Variants in OTUD7A observed in about 807,000 individuals in gnomAD.
OTUD7A encodes OTU deubiquitinase 7A.
In OTUD7A, 12 loss-of-function variants were observed where a neutral mutation model predicts 65.7. That is an observed-to-expected ratio of 0.18 (90% CI 0.12 to 0.30). The LOEUF is 0.30. OTUD7A is among the 10% of genes least tolerant of loss of function. The pLI is 1.00. For missense variants in OTUD7A, 1,148 were observed against 1,304.8 expected, an observed-to-expected ratio of 0.88 and a Z score of 1.85; for synonymous variants, 641 against 586.3, an observed-to-expected ratio of 1.09 and a Z score of -1.35.
At chr15:31,645,965 G>A (rs1891648999) in intron 3 of OTUD7A, among the ~76,000 whole-genome samples, 1 of 152,202 alleles carries the variant, frequency 6.6e-6, no homozygotes, top group African/African-American at 2.4e-5. Context: ...AAACATGAAG[G>A]TTTGGCTTAA....
chr15:31,574,304 T>C (rs1157968450), intron 3 of OTUD7A, among the ~76,000 whole-genome samples: 1 of 151,710 alleles, frequency 6.6e-6, no homozygotes, highest in Non-Finnish European at 1.5e-5. Flanking sequence ...CACAGAAAAA[T>C]AGAAACTATG....
intron 1 of OTUD7A, among the ~76,000 whole-genome samples, chr15:31,671,191 T>G (rs1265297808): frequency 6.6e-6 from 1 of 152,210 alleles, no homozygotes; most frequent in Admixed American, 6.5e-5. Flanking sequence ...CTTCTAGGGT[T>G]TTTATAGTTT....
At chr15:31,824,070 G>T (rs1052957886) in intron 1 of OTUD7A, among the ~76,000 whole-genome samples, 4 of 152,206 alleles carry the variant, frequency 2.6e-5, no homozygotes, top group African/African-American at 9.6e-5. Flanking sequence ...GGCATGAAGA[G>T]CATAGTAGGG....
chr15:31,529,220 T>C (rs1413352196), intron 6 of OTUD7A, among the ~76,000 whole-genome samples: 1 of 151,966 alleles, frequency 6.6e-6, no homozygotes, highest in Non-Finnish European at 1.5e-5. Flanking sequence ...TTCTTTTAGA[T>C]TCTTTCTCCA....
chr15:31,681,519 C>T (rs7167067), intron 1 of OTUD7A, among the ~76,000 whole-genome samples: 11,876 of 151,826 alleles, frequency 0.078, 1,174 homozygotes, highest in African/African-American at 0.23. Context: ...TGTTTGTGTG[C>T]ATATCTACCC....
At chr15:31,628,624 G>C (rs948230006) in intron 3 of OTUD7A, among the ~76,000 whole-genome samples, 2 of 152,098 alleles carry the variant, frequency 1.3e-5, no homozygotes, top group Non-Finnish European at 2.9e-5. Context: ...TTCCAATTCT[G>C]TGAAGAAAGT....
chr15:31,527,154 G>A, intron 7 of OTUD7A, 27 bp downstream of exon 7: 1 of 1,613,528 alleles, frequency 6.2e-7, no homozygotes, highest in Non-Finnish European at 8.5e-7. Context: ...TGGGTCCCGG[G>A]CTCTGGCCAT....
chr15:31,673,416 T>C (rs1566970137), intron 1 of OTUD7A, among the ~76,000 whole-genome samples: 1 of 152,218 alleles, frequency 6.6e-6, no homozygotes, highest in Admixed American at 6.5e-5. Flanking sequence ...AACAGTGTAA[T>C]GTGCCCACAC....
At chr15:31,869,146 C>T (rs762277120) in intron 1 of OTUD7A, among the ~76,000 whole-genome samples, 12 of 152,212 alleles carry the variant, frequency 7.9e-5, no homozygotes, top group Non-Finnish European at 1.5e-4. Flanking sequence ...ATGGCACACT[C>T]ACAATAAAAT....
chr15:31,746,263 T>C (rs1482281467), intron 1 of OTUD7A, among the ~76,000 whole-genome samples: 4 of 152,154 alleles, frequency 2.6e-5, no homozygotes, highest in African/African-American at 7.2e-5. Context: ...GCTTTATTAA[T>C]AGTGACACAA....
chr15:31,803,783 GCAAA>G (rs1896196051), intron 1 of OTUD7A, among the ~76,000 whole-genome samples: 1 of 152,210 alleles, frequency 6.6e-6, no homozygotes, highest in Non-Finnish European at 1.5e-5. Flanking sequence ...GACCTCCAGA[GCAAA>G]CAAACAGCCC....
At chr15:31,679,660 T>C (rs1454180696) in intron 1 of OTUD7A, among the ~76,000 whole-genome samples, 1 of 152,202 alleles carries the variant, frequency 6.6e-6, no homozygotes, top group Non-Finnish European at 1.5e-5. Flanking sequence ...CCCTTCACGT[T>C]CCGCCATGAT....
chr15:31,665,956 GT>G (rs1382167443), intron 1 of OTUD7A, among the ~76,000 whole-genome samples: 4 of 151,392 alleles, frequency 2.6e-5, no homozygotes, highest in Admixed American at 6.6e-5. Flanking sequence ...GGTACATTGC[GT>G]TTATTGACTT....
intron 1 of OTUD7A, among the ~76,000 whole-genome samples, chr15:31,753,683 T>C (rs1037943092): frequency 1.1e-5 from 1 of 88,472 alleles, no homozygotes; most frequent in Non-Finnish European, 2.4e-5. Flanking sequence ...ATATAACCTG[T>C]GAGATATATA....
chr15:31,790,854 G>A (rs1447642512), intron 1 of OTUD7A, among the ~76,000 whole-genome samples: 3 of 152,178 alleles, frequency 2.0e-5, no homozygotes, highest in Non-Finnish European at 4.4e-5. Context: ...AACTGCCTGA[G>A]AGACAGAGTC....
At chr15:31,768,323 G>A (rs1895142780) in intron 1 of OTUD7A, 1 of 616,400 alleles carries the variant, frequency 1.6e-6, no homozygotes, top group South Asian at 1.9e-5. Context: ...TAGCATAGAG[G>A]GCTGCGTGGA....
intron 3 of OTUD7A, among the ~76,000 whole-genome samples, chr15:31,570,826 C>T (rs989578704): frequency 6.6e-6 from 1 of 152,066 alleles, no homozygotes; most frequent in African/African-American, 2.4e-5. Context: ...ACTGGCACTT[C>T]GCAGCACTAG....
chr15:31,590,030 C>T (rs919044635), intron 3 of OTUD7A, among the ~76,000 whole-genome samples: 3 of 152,080 alleles, frequency 2.0e-5, no homozygotes, highest in Admixed American at 6.5e-5. Flanking sequence ...CATACACACA[C>T]CATCATGTGC....
intron 3 of OTUD7A, 130 bp downstream of exon 3, chr15:31,654,966 G>T: frequency 1.9e-6 from 2 of 1,069,632 alleles, no homozygotes; most frequent in Non-Finnish European, 2.6e-6. Context: ...ACTTAATATC[G>T]GTAAGATGTA....
Sources: allele counts gnomAD v4.1 joint callset (sites outside exome capture counted in the v4.1 genomes callset), GRCh38; gene constraint gnomAD v4.1.1; transcripts MANE v1.5; gene names NCBI Gene and HGNC (gene_info 2026-07-23, HGNC 2026-07-21).